The following KCNAB2 variants were observed in gnomAD, a reference collection of about 807,000 sequenced individuals.
KCNAB2 encodes potassium voltage-gated channel subfamily A regulatory beta subunit 2, also known as voltage-gated potassium channel subunit beta-2.
In KCNAB2, 29 loss-of-function variants were observed where a neutral mutation model predicts 63.6. That is an observed-to-expected ratio of 0.46 (90% CI 0.34 to 0.62). The LOEUF is 0.62. KCNAB2 is among the 20% of genes least tolerant of loss of function. The probability of loss-of-function intolerance (pLI) is 0.01; values close to 1 mark genes in which losing one functional copy is unlikely to be tolerated. For synonymous variants in KCNAB2, 222 were observed against 224.2 expected, an observed-to-expected ratio of 0.99 and a Z score of 0.09; for missense variants, 359 against 563.9, an observed-to-expected ratio of 0.64 and a Z score of 3.68.
At chr1:6,063,503 G>A (rs369418293) in intron 2 of KCNAB2, among the ~76,000 whole-genome samples, 47 of 145,134 alleles carry the variant, frequency 3.2e-4, no homozygotes, top group African/African-American at 5.8e-4. Context: ...TCCACCTCCC[G>A]AGTTCAAGCA....
chr1:6,056,059 T>G (rs1661796321), intron 2 of KCNAB2, among the ~76,000 whole-genome samples: 1 of 152,136 alleles, frequency 6.6e-6, no homozygotes, highest in South Asian at 2.1e-4. Flanking sequence ...CCCAGTTTTT[T>G]TTTGAGACAG....
rs11804793 is a variant in KCNAB2 at position 6,085,878 on chromosome 1, C to T, written c.425+630C>T. On this transcript the variant is annotated intron_variant, in intron 6 of 15. Transcript: ENST00000378083. The stretch of plus-strand genomic sequence containing the variant: ...ATCACCCACCCAGCTCAGGGCGGGA[C>T]GTGTCACACTCCTCTGGGAAGTGGT... The T allele has an allele frequency of 4.6e-3, 4,573 of 986,754 alleles. 175 individuals carry two copies. In the African/African-American group the frequency reaches 0.075, roughly 16 times the overall value. 61.1% of individuals were successfully genotyped at this position (986,754 alleles called of 1,614,324 possible).
intron 2 of KCNAB2, among the ~76,000 whole-genome samples, chr1:6,063,907 A>G (rs1662529791): frequency 6.6e-6 from 1 of 151,834 alleles, no homozygotes; most frequent in Non-Finnish European, 1.5e-5. Flanking sequence ...TAGCGGGGGG[A>G]TTGCCTGGTC....
rs1030798770 is a variant in KCNAB2, at chr1:6,066,165, G to A, written c.219-6590G>A. Among the ~76,000 whole-genome samples, 19 of 152,334 alleles carry A rather than the reference G, an allele frequency of 1.2e-4. No individual in the cohort carries two copies. The East Asian group carries it at 1.9e-3, about 15-fold the overall frequency. Reference sequence around the variant, plus strand: ...GCCAGCAGTCCCAGCCTGGGCTCCCGAGGCCGCTTCCGCGCCGTGGCCATG... The same window carrying A: ...GCCAGCAGTCCCAGCCTGGGCTCCCAAGGCCGCTTCCGCGCCGTGGCCATG... On this transcript the variant is annotated intron_variant, in intron 2 of 15. Coordinates refer to ENST00000378083, the MANE Select transcript of KCNAB2 (RefSeq NM_001199862.2).
chr1:6,006,733 A>G lies in KCNAB2; in HGVS notation c.-53+13945A>G, dbSNP rs1420162566. Reference sequence around the variant, plus strand: ...ACCCTCACTCCTCAGCTCAGCTCCCACATTCCCCTACTCCACCCTCACCCC... The same window carrying G: ...ACCCTCACTCCTCAGCTCAGCTCCCGCATTCCCCTACTCCACCCTCACCCC... On this transcript the variant is annotated intron_variant, in intron 1 of 16. Transcript: ENST00000341524. 4.6e-5 allele frequency among the ~76,000 whole-genome samples: 6 copies of G among 129,852 alleles called. No individual in the cohort carries two copies. The East Asian group carries it at 1.3e-3, about 29-fold the overall frequency. 85.2% of individuals were successfully genotyped at this position (129,852 alleles called of 152,430 possible).
At position 6,028,617 on chromosome 1, in the gene KCNAB2, C is replaced by G. The variant is rs1488324261; in HGVS notation, c.-52-11900C>G. 6.6e-6 allele frequency among the ~76,000 whole-genome samples: 1 copy of G among 152,218 alleles called. No individual in the cohort carries two copies. Among genetic ancestry groups the G allele is most frequent in the Non-Finnish European group, 1.5e-5 (1 of 68,044 alleles). The stretch of plus-strand genomic sequence containing the variant: ...GGCCGCTCTGGGTGCGGGGGTACAT[C>G]CGTGAAGGAAAGAGATGAAGCTCCC... On this transcript the variant is annotated intron_variant, in intron 1 of 16. Transcript: ENST00000341524. The surrounding 1 kb of genome is among the most constrained non-coding windows in gnomAD (Gnocchi z 4.0).
intron 1 of KCNAB2, among the ~76,000 whole-genome samples, chr1:5,997,814 G>A (rs373315670): frequency 7.9e-5 from 12 of 152,314 alleles, no homozygotes; most frequent in Admixed American, 4.6e-4. Context: ...GATTCAGCTC[G>A]ATCTATTCAT....
chr1:6,070,850 A>G (rs1397100609), intron 2 of KCNAB2, among the ~76,000 whole-genome samples: 1 of 152,200 alleles, frequency 6.6e-6, no homozygotes, highest in Admixed American at 6.5e-5. Flanking sequence ...TCAGAGCCTC[A>G]GCCCATAGCC....
intron 4 of KCNAB2, among the ~76,000 whole-genome samples, chr1:6,080,476 GACA>G (rs1198207344): frequency 1.3e-5 from 2 of 152,182 alleles, no homozygotes; most frequent in African/African-American, 4.8e-5. Context: ...GCAGCAGGAA[GACA>G]ACAACAGAGC....
intron 1 of KCNAB2, among the ~76,000 whole-genome samples, chr1:5,999,171 C>T (rs941057716): frequency 1.3e-5 from 2 of 152,242 alleles, no homozygotes; most frequent in African/African-American, 2.4e-5. Flanking sequence ...TTGTTGGTTG[C>T]CCTGCATAGG....
chr1:6,003,707 G>A lies in KCNAB2; in HGVS notation c.-53+10919G>A, dbSNP rs72859202. On this transcript the variant is annotated intron_variant, in intron 1 of 16. Transcript: ENST00000341524. The surrounding 1 kb of genome is among the most constrained non-coding windows in gnomAD (Gnocchi z 4.1). The stretch of plus-strand genomic sequence containing the variant: ...TCTACTACCCAATTTCAAAAAGGTC[G>A]TAGTATATAGCTCATGTCCCAGAAC... Among the ~76,000 whole-genome samples, 2,875 of 152,282 alleles carry A rather than the reference G, an allele frequency of 0.019. 92 individuals are homozygous for A. The highest frequency in any genetic ancestry group is 0.065 in the African/African-American group (2,688 of 41,530).
intron 7 of KCNAB2, among the ~76,000 whole-genome samples, chr1:6,088,390 A>AT (rs1199309119): frequency 2.0e-5 from 3 of 151,690 alleles, no homozygotes; most frequent in Non-Finnish European, 4.4e-5. Flanking sequence ...TGCCCAGCTA[A>AT]TTTTTTTATT....
chr1:6,066,875 T>C (rs1571008867), intron 2 of KCNAB2, among the ~76,000 whole-genome samples: 1 of 152,256 alleles, frequency 6.6e-6, no homozygotes, highest in South Asian at 2.1e-4. Context: ...AGTTTCCCGA[T>C]GGTCAGCCCA....
rs772132365 is a variant in KCNAB2 at position 6,099,912 on chromosome 1, C to T, written c.*1338C>T. ...AGGGATGCCAGTAAGTCTGCAGGTG[C>T]GGGGTGCCACCTACAGGCCCAGGCC... is the stretch of plus-strand genomic sequence containing the variant. On this transcript the variant is annotated 3_prime_UTR_variant, in exon 16 of 16. Transcript: ENST00000378083. 5.8e-6 allele frequency: 9 copies of T among 1,550,258 alleles called. No individual in the cohort carries two copies. The highest frequency in any genetic ancestry group is 1.7e-4 in the Middle Eastern group (1 of 6,002).
chr1:6,040,610 G>A (rs375390362), exon 2 of KCNAB2: 19 of 1,613,832 alleles, frequency 1.2e-5, no homozygotes, highest in Admixed American at 5.0e-5. Context: ...CTCGGCTCTC[G>A]CTGCGGCAGA....
At chr1:6,046,425 C>A (rs1231473897) in intron 1 of KCNAB2, among the ~76,000 whole-genome samples, 2 of 152,204 alleles carry the variant, frequency 1.3e-5, no homozygotes, top group Non-Finnish European at 2.9e-5. Flanking sequence ...GCACCTCTCG[C>A]TTGAGTCTGC....
At chr1:6,085,396 C>T in intron 6 of KCNAB2, 148 bp downstream of exon 6, 1 of 726,306 alleles carries the variant, frequency 1.4e-6, no homozygotes, top group Admixed American at 2.3e-5. Flanking sequence ...AAATTCAGTT[C>T]TCCAAGAGTA....
chr1:6,084,753 T>C (rs1664540650), intron 5 of KCNAB2, among the ~76,000 whole-genome samples: 1 of 148,738 alleles, frequency 6.7e-6, no homozygotes, highest in Non-Finnish European at 1.5e-5. Context: ...GAGGCAGAGG[T>C]TGCAGAGAGC....
chr1:6,082,533 G>C (rs1318429967), intron 5 of KCNAB2, among the ~76,000 whole-genome samples: 1 of 152,168 alleles, frequency 6.6e-6, no homozygotes, highest in Non-Finnish European at 1.5e-5. Flanking sequence ...CAAAGATGCT[G>C]TGCTGGGTGA....
Sources: allele counts gnomAD v4.1 joint callset (sites outside exome capture counted in the v4.1 genomes callset), GRCh38; gene constraint gnomAD v4.1.1; non-coding constraint Gnocchi (gnomAD v3.1); transcripts MANE v1.5; gene names NCBI Gene and HGNC (gene_info 2026-07-23, HGNC 2026-07-21).